Variants in ELAPOR2 observed in about 807,000 individuals in gnomAD.
ELAPOR2 encodes the protein endosome-lysosome associated apoptosis and autophagy regulator family member 2.
ELAPOR2 carries 89 observed loss-of-function variants against 120.7 expected under a neutral mutation model. The observed-to-expected ratio is 0.74, with a 90% CI of 0.62 to 0.88. ELAPOR2 has a LOEUF of 0.88. Ranked by LOEUF, ELAPOR2 falls within the 40% of genes least tolerant of loss-of-function variation. The probability of loss-of-function intolerance (pLI) is 0.00; values close to 1 mark genes in which losing one functional copy is unlikely to be tolerated. For synonymous variants in ELAPOR2, 444 were observed against 444.9 expected, an observed-to-expected ratio of 1.00 and a Z score of 0.03; for missense variants, 1,134 against 1,251.6, an observed-to-expected ratio of 0.91 and a Z score of 1.42.
chr7:86,877,930 C>T lies in ELAPOR2; in HGVS notation c.*2541G>A, dbSNP rs563777070. On this transcript the variant is annotated 3_prime_UTR_variant, in exon 22 of 22. Coordinates refer to ENST00000450689, the MANE Select transcript of ELAPOR2 (RefSeq NM_001142749.3). ...AATTCAGTGAACACATATCAAAATG[C>T]TCAATGTTGTTAAATGACATAATAT... 1 of 152,180 alleles carries T rather than the reference C, an allele frequency of 6.6e-6. No individual in the cohort carries two copies. The highest frequency in any genetic ancestry group is 1.9e-4 in the East Asian group (1 of 5,178). The allele number at this position is 152,180 out of a possible 1,614,324, so 9.4% of individuals were successfully genotyped here.
chr7:87,016,338 G>C (rs191046422), intron 1 of ELAPOR2, among the ~76,000 whole-genome samples: 1 of 151,962 alleles, frequency 6.6e-6, no homozygotes, highest in African/African-American at 2.4e-5. Context: ...GGATGGACAA[G>C]ACTCCATCTC....
Position 86,947,939 on chromosome 7 carries a change from T to C in ELAPOR2, c.311-17A>G, listed in dbSNP as rs754049289. On this transcript the variant is annotated splice_polypyrimidine_tract_variant and intron_variant, in intron 2 of 21. Transcript: ENST00000450689. ...AGGAGAAAGCTGGAAGGCAGAAGAA[T>C]GGACAACCCATTACTTACCCTCCCA... 5.2e-6 allele frequency: 8 copies of C among 1,535,418 alleles called. No individual in the cohort carries two copies. In the South Asian group the frequency reaches 9.6e-5, roughly 18 times the overall value.
rs1206121259 is a variant in ELAPOR2 at position 86,944,978 on chromosome 7, T to C, written c.575A>G (p.Tyr192Cys). The C allele has an allele frequency of 8.4e-6, 13 of 1,550,884 alleles. No individual in the cohort carries two copies. Among genetic ancestry groups the C allele is most frequent in the Non-Finnish European group, 1.1e-5 (13 of 1,146,590 alleles). The change falls in exon 4 of 22, where the codon TAT (tyrosine) becomes TGT (cysteine). Residue 192 changes from tyrosine to cysteine, a missense_variant. Coordinates refer to ENST00000450689, the MANE Select transcript of ELAPOR2 (RefSeq NM_001142749.3). ...NRDDCTVSLI[Y>C]AVHLKKSGYV... is the part of the protein sequence containing the mutation. Reference sequence around the variant, plus strand: ...GCCTGACTTCTTAAGGTGCACAGCATAGATCAAAGACACCGTGCAGTCATC... The same window carrying C: ...GCCTGACTTCTTAAGGTGCACAGCACAGATCAAAGACACCGTGCAGTCATC...
intron 7 of ELAPOR2, among the ~76,000 whole-genome samples, chr7:86,938,571 T>C (rs981104054): frequency 2.2e-4 from 33 of 151,972 alleles, no homozygotes; most frequent in African/African-American, 7.7e-4. Flanking sequence ...TATAAACATA[T>C]CCATAGCAGC....
chr7:87,050,905 G>A (rs1409272061), intron 1 of ELAPOR2, among the ~76,000 whole-genome samples: 2 of 152,170 alleles, frequency 1.3e-5, no homozygotes, highest in East Asian at 3.9e-4. Context: ...TTCTAGATAT[G>A]AGCAACTAGA....
chr7:87,042,870 T>G (rs1794829265), intron 1 of ELAPOR2, among the ~76,000 whole-genome samples: 1 of 151,796 alleles, frequency 6.6e-6, no homozygotes, highest in South Asian at 2.1e-4. Flanking sequence ...CTAGAAAGAC[T>G]AATAAAGACA....
At chr7:86,993,545 AT>A (rs1793023288) in intron 1 of ELAPOR2, among the ~76,000 whole-genome samples, 2 of 152,232 alleles carry the variant, frequency 1.3e-5, no homozygotes, top group Middle Eastern at 3.2e-3. Flanking sequence ...TCTTACAAAT[AT>A]TTGGAGGACA....
At chr7:86,942,539 T>G (rs1319771749) in intron 4 of ELAPOR2, among the ~76,000 whole-genome samples, 1 of 152,078 alleles carries the variant, frequency 6.6e-6, no homozygotes, top group Non-Finnish European at 1.5e-5. Context: ...AATTTTAAAT[T>G]AAAAATAAAT....
Position 86,903,845 on chromosome 7 carries a change from T to G in ELAPOR2, c.2558+3825A>C, listed in dbSNP as rs1788836573. 2.0e-5 allele frequency among the ~76,000 whole-genome samples: 3 copies of G among 152,344 alleles called. No homozygotes were observed. In the South Asian group the frequency reaches 6.2e-4, roughly 32 times the overall value. On this transcript the variant is annotated intron_variant, in intron 18 of 21. Transcript: ENST00000450689. ...CAGAGAGAAAAAAATGATTTTCCTC[T>G]AACTGGTGGCATCAATAAAGACCCT...
At chr7:86,903,636 C>T (rs749307794) in intron 18 of ELAPOR2, among the ~76,000 whole-genome samples, 54 of 152,216 alleles carry the variant, frequency 3.5e-4, no homozygotes, top group Non-Finnish European at 5.4e-4. Context: ...GAAATAAACC[C>T]CTGGAGTGTT....
intron 1 of ELAPOR2, among the ~76,000 whole-genome samples, chr7:87,034,900 T>A (rs1411425797): frequency 6.6e-6 from 1 of 152,048 alleles, no homozygotes. Context: ...CTGGCCAACA[T>A]GGTGAAACCC....
At chr7:86,999,081 A>C (rs1767726) in intron 1 of ELAPOR2, among the ~76,000 whole-genome samples, 57,335 of 151,720 alleles carry the variant, frequency 0.38, 11,673 homozygotes, top group African/African-American at 0.53. Flanking sequence ...CAGGTGTTAT[A>C]CATATTTTAT....
intron 2 of ELAPOR2, among the ~76,000 whole-genome samples, chr7:86,962,021 C>CA (rs1159692554): frequency 6.6e-6 from 1 of 152,178 alleles, no homozygotes; most frequent in Non-Finnish European, 1.5e-5. Context: ...GAAGCCTCTT[C>CA]ATGCTATTTC....
intron 1 of ELAPOR2, among the ~76,000 whole-genome samples, chr7:87,049,894 A>T (rs1011963484): frequency 6.6e-6 from 1 of 152,194 alleles, no homozygotes; most frequent in Non-Finnish European, 1.5e-5. Flanking sequence ...GTATTGGTTC[A>T]TGAGGGCTCC....
intron 10 of ELAPOR2, chr7:86,920,657 T>C (rs1789789429): frequency 1.3e-5 from 2 of 152,088 alleles, no homozygotes; most frequent in East Asian, 1.9e-4. Flanking sequence ...TGTTTGAATA[T>C]CACTTGTTGA....
chr7:86,934,662 C>A (rs191434978), intron 8 of ELAPOR2, among the ~76,000 whole-genome samples: 62 of 152,164 alleles, frequency 4.1e-4, no homozygotes, highest in Admixed American at 2.8e-3. Flanking sequence ...GATCTCCCTG[C>A]AAACTTTTAC....
chr7:86,925,370 T>A (rs1229125130), intron 10 of ELAPOR2, among the ~76,000 whole-genome samples, 158 bp downstream of exon 10: 1 of 151,904 alleles, frequency 6.6e-6, no homozygotes, highest in Non-Finnish European at 1.5e-5. Flanking sequence ...GACACCACAT[T>A]TACTATTTTT....
At chr7:86,962,209 G>A (rs1791741796) in intron 2 of ELAPOR2, among the ~76,000 whole-genome samples, 1 of 152,014 alleles carries the variant, frequency 6.6e-6, no homozygotes, top group Admixed American at 6.6e-5. Context: ...ATTTCCAACT[G>A]CTTCATAAAC....
intron 1 of ELAPOR2, among the ~76,000 whole-genome samples, chr7:87,010,180 C>A (rs1793609800): frequency 1.3e-5 from 2 of 152,112 alleles, no homozygotes; most frequent in South Asian, 2.1e-4. Flanking sequence ...ACATTGTATT[C>A]CAATGGGAGA....
Sources: allele counts gnomAD v4.1 joint callset (sites outside exome capture counted in the v4.1 genomes callset), GRCh38; gene constraint gnomAD v4.1.1; transcripts MANE v1.5; gene names NCBI Gene and HGNC (gene_info 2026-07-23, HGNC 2026-07-21).